Variants in QTGAL observed in about 807,000 individuals in gnomAD.
QTGAL encodes the protein queuosine-tRNA galactosyltransferase, also known as BGnT-like protein 1.
chr17:82,984,361 G>T, the QTGAL span, among the ~76,000 whole-genome samples: 1 of 149,272 alleles, frequency 6.7e-6, no homozygotes, highest in South Asian at 2.1e-4. Context: ...ACAGAAGGAC[G>T]CAGGGAGAGG....
At chr17:82,970,648 T>TGGCCGTGACCTCCGCACACGGC in the QTGAL span, among the ~76,000 whole-genome samples, 16 of 33,576 alleles carry the variant, frequency 4.8e-4, 2 homozygotes, top group African/African-American at 2.0e-3. Context: ...CCGCACCCGG[T>TGGCCGTGACCTCCGCACACGGC]GTGGCCGCGA....
At chr17:83,050,812 G>A in the QTGAL span, among the ~76,000 whole-genome samples, 2 of 149,046 alleles carry the variant, frequency 1.3e-5, no homozygotes, top group African/African-American at 4.9e-5. Context: ...CACGGAGGAG[G>A]TGTGCAGGTA....
the QTGAL span, chr17:83,005,866 G>A: frequency 1.4e-5 from 19 of 1,373,038 alleles, no homozygotes; most frequent in South Asian, 3.3e-5. The surrounding 1 kb of genome is among the most constrained non-coding windows in gnomAD (Gnocchi z 5.6). Flanking sequence ...CGCCCTGCCC[G>A]GCCCCCTCCA....
the QTGAL span, among the ~76,000 whole-genome samples, chr17:83,018,446 AAC>A: frequency 6.6e-6 from 1 of 152,148 alleles, no homozygotes; most frequent in African/African-American, 2.4e-5. Context: ...CCATTTATAA[AAC>A]ACACACATAC....
the QTGAL span, chr17:82,942,682 C>A: frequency 1.6e-6 from 1 of 616,292 alleles, no homozygotes; most frequent in Admixed American, 2.9e-5. Flanking sequence ...AAATGTGCTT[C>A]CTATAAAATC....
the QTGAL span, among the ~76,000 whole-genome samples, chr17:82,984,237 C>G: frequency 2.6e-5 from 2 of 78,266 alleles, no homozygotes; most frequent in South Asian, 4.0e-4. Context: ...GGAGAGGCCA[C>G]GTGAGCACAC....
the QTGAL span, among the ~76,000 whole-genome samples, chr17:83,021,773 A>G: frequency 1.3e-5 from 2 of 152,254 alleles, no homozygotes; most frequent in East Asian, 3.8e-4. Flanking sequence ...CTATAAAGCT[A>G]CACTGTAGCT....
the QTGAL span, among the ~76,000 whole-genome samples, chr17:82,997,507 T>A: frequency 6.6e-6 from 1 of 152,180 alleles, no homozygotes; most frequent in South Asian, 2.1e-4. Context: ...ATAGAGCCAC[T>A]GTATGATCCA....
chr17:83,013,161 T>C, the QTGAL span, among the ~76,000 whole-genome samples: 2 of 152,148 alleles, frequency 1.3e-5, no homozygotes, highest in East Asian at 1.9e-4. Flanking sequence ...TCTCCTGCCC[T>C]CACAGAAAAT....
At chr17:83,051,462 G>A in the QTGAL span, among the ~76,000 whole-genome samples, 1 of 152,166 alleles carries the variant, frequency 6.6e-6, no homozygotes, top group African/African-American at 2.4e-5. Context: ...GAGGAAGGTC[G>A]GTGAGGAGGC....
At chr17:83,034,503 C>G in the QTGAL span, among the ~76,000 whole-genome samples, 1 of 150,418 alleles carries the variant, frequency 6.6e-6, no homozygotes, top group East Asian at 1.9e-4. Flanking sequence ...CCACCCAAAT[C>G]TCATCTTGAA....
At chr17:83,006,576 T>C in the QTGAL span, 1 of 985,462 alleles carries the variant, frequency 1.0e-6, no homozygotes, top group Non-Finnish European at 1.2e-6. This position sits in a 1 kb window ranked among gnomAD's most constrained non-coding sequence, Gnocchi z 5.8. Context: ...GAGGCGCCCC[T>C]TACAGCCACT....
At chr17:83,042,608 G>A in the QTGAL span, among the ~76,000 whole-genome samples, 1 of 152,104 alleles carries the variant, frequency 6.6e-6, no homozygotes, top group Non-Finnish European at 1.5e-5. Flanking sequence ...CAATTAAACA[G>A]AAAAGAAGGT....
the QTGAL span, among the ~76,000 whole-genome samples, chr17:83,024,202 G>A: frequency 3.4e-5 from 5 of 145,804 alleles, no homozygotes; most frequent in South Asian, 2.1e-4. Context: ...CCTCCTGGTC[G>A]TCTGCAGAAG....
At chr17:83,016,458 AGAG>A in the QTGAL span, among the ~76,000 whole-genome samples, 6 of 145,738 alleles carry the variant, frequency 4.1e-5, no homozygotes, top group African/African-American at 1.5e-4. Flanking sequence ...GGCAGAGAGA[AGAG>A]AATAAAGGAG....
the QTGAL span, among the ~76,000 whole-genome samples, chr17:82,966,045 G>T: frequency 6.6e-6 from 1 of 151,418 alleles, no homozygotes; most frequent in Admixed American, 6.6e-5. Context: ...AGGTAGCTGG[G>T]ACCACAGGCG....
the QTGAL span, among the ~76,000 whole-genome samples, chr17:82,960,889 G>A: frequency 9.9e-5 from 15 of 152,196 alleles, no homozygotes; most frequent in African/African-American, 1.4e-4. Context: ...CCGAATCCCC[G>A]CCACCCTCGG....
At chr17:83,031,750 C>T in the QTGAL span, among the ~76,000 whole-genome samples, 2 of 152,328 alleles carry the variant, frequency 1.3e-5, no homozygotes, top group African/African-American at 4.8e-5. Flanking sequence ...GCTTCATGAG[C>T]AAAAGGTGAA....
the QTGAL span, among the ~76,000 whole-genome samples, chr17:82,955,896 G>A: frequency 6.6e-6 from 1 of 150,880 alleles, no homozygotes; most frequent in East Asian, 2.0e-4. Flanking sequence ...ACTAACACAG[G>A]AACAGAAAAC....
Sources: allele counts gnomAD v4.1 joint callset (sites outside exome capture counted in the v4.1 genomes callset), GRCh38; gene constraint gnomAD v4.1.1; non-coding constraint Gnocchi (gnomAD v3.1); transcripts MANE v1.5; gene names NCBI Gene and HGNC (gene_info 2026-07-23, HGNC 2026-07-21).